The following NFIA variants were observed in gnomAD, a reference collection of about 807,000 sequenced individuals.
NFIA encodes nuclear factor I A.
Under a neutral mutation model 62.8 loss-of-function variants are expected in NFIA, and 8 were observed. The observed-to-expected ratio is 0.13, with a 90% CI of 0.07 to 0.23. The LOEUF (loss-of-function observed/expected upper bound fraction) is 0.23, where lower values mean the gene tolerates loss of function less well. NFIA is among the 10% of genes least tolerant of loss of function. The pLI, the probability that NFIA is intolerant of heterozygous loss-of-function variation, is 1.00. For synonymous variants in NFIA, 235 were observed against 238.1 expected (o/e 0.99, Z 0.12); for missense variants, 410 against 642.1 (o/e 0.64, Z 3.91).
chr1:61,171,661 A>G (rs1338630635), intron 2 of NFIA, among the ~76,000 whole-genome samples: 1 of 152,176 alleles, frequency 6.6e-6, no homozygotes, highest in Non-Finnish European at 1.5e-5. Context: ...AGGACGAATA[A>G]GAGAATCCTC....
At chr1:61,173,456 C>T (rs926260422) in intron 2 of NFIA, among the ~76,000 whole-genome samples, 19 of 152,122 alleles carry the variant, frequency 1.2e-4, no homozygotes, top group African/African-American at 3.9e-4. Flanking sequence ...GGCGTGATCT[C>T]GGCTCACTGC....
chr1:61,208,726 A>G (rs1653052151), intron 2 of NFIA, among the ~76,000 whole-genome samples: 4 of 152,232 alleles, frequency 2.6e-5, no homozygotes, highest in Admixed American at 6.5e-5. Context: ...TGTATTAACA[A>G]GGTTGTCCTG....
chr1:61,348,676 G>T (rs1453402942), intron 4 of NFIA, among the ~76,000 whole-genome samples: 1 of 152,158 alleles, frequency 6.6e-6, no homozygotes, highest in Admixed American at 6.5e-5. Context: ...TAAGGCAAAA[G>T]ACATTTTTCT....
chr1:61,426,381 G>A (rs1486472461), intron 9 of NFIA, 84 bp from the exon 10 acceptor site: 15 of 908,744 alleles, frequency 1.7e-5, no homozygotes, highest in Non-Finnish European at 2.1e-5. Flanking sequence ...CAGCTGCGTC[G>A]GCTCGGAGAC....
chr1:61,420,899 A>T (rs1666585806), intron 9 of NFIA, among the ~76,000 whole-genome samples: 1 of 152,224 alleles, frequency 6.6e-6, no homozygotes, highest in Non-Finnish European at 1.5e-5. Flanking sequence ...GTCATTTTCA[A>T]ACATTTAGAT....
chr1:61,244,003 A>G (rs1440833290), intron 2 of NFIA, among the ~76,000 whole-genome samples: 9 of 152,170 alleles, frequency 5.9e-5, no homozygotes, highest in Admixed American at 3.9e-4. Context: ...ATGTGGTGGT[A>G]TATTTAGCAT....
At chr1:61,405,184 C>T (rs2474381) in intron 8 of NFIA, among the ~76,000 whole-genome samples, 45,854 of 152,074 alleles carry the variant, frequency 0.3, 7,283 homozygotes, top group East Asian at 0.57. Flanking sequence ...TGCATATCTG[C>T]GCCAGAACAG....
intron 6 of NFIA, among the ~76,000 whole-genome samples, chr1:61,377,756 T>TG (rs1336900676): frequency 6.6e-6 from 1 of 152,206 alleles, no homozygotes; most frequent in Non-Finnish European, 1.5e-5. Context: ...CCCAAACTCC[T>TG]GCGACAGACA....
chr1:61,102,301 A>G (rs947418880), intron 2 of NFIA, among the ~76,000 whole-genome samples: 1 of 152,226 alleles, frequency 6.6e-6, no homozygotes, highest in Non-Finnish European at 1.5e-5. Context: ...TTAGCAGTTC[A>G]GTTCCTTCAG....
chr1:61,249,085 G>A (rs1655840982), intron 2 of NFIA: 1 of 152,128 alleles, frequency 6.6e-6, no homozygotes, highest in Non-Finnish European at 1.5e-5. Flanking sequence ...TGAAAGGAAG[G>A]CATCCAACTT....
chr1:61,428,382 A>ATTTT (rs34309622), intron 10 of NFIA, among the ~76,000 whole-genome samples: 1 of 135,940 alleles, frequency 7.4e-6, no homozygotes, highest in African/African-American at 2.7e-5. Context: ...CTGGAACTGA[A>ATTTT]TTTTTTTTTT....
intron 2 of NFIA, among the ~76,000 whole-genome samples, chr1:61,153,422 T>A (rs1288697966): frequency 6.6e-6 from 1 of 152,238 alleles, no homozygotes; most frequent in Non-Finnish European, 1.5e-5. Flanking sequence ...TCTCTAACTT[T>A]CAACCCTTTT....
chr1:61,358,227 A>G (rs1016472906), intron 5 of NFIA, among the ~76,000 whole-genome samples: 17 of 151,784 alleles, frequency 1.1e-4, no homozygotes, highest in African/African-American at 2.7e-4. Context: ...TGTTTTGTTC[A>G]CTGATTTATT....
intron 6 of NFIA, among the ~76,000 whole-genome samples, chr1:61,366,498 T>C (rs1194101806): frequency 6.6e-6 from 1 of 152,202 alleles, no homozygotes; most frequent in Non-Finnish European, 1.5e-5. Flanking sequence ...TGTTGAAAGT[T>C]TCAAAACAGT....
chr1:61,195,768 A>G (rs1017436680), intron 2 of NFIA, among the ~76,000 whole-genome samples: 1 of 152,194 alleles, frequency 6.6e-6, no homozygotes, highest in Non-Finnish European at 1.5e-5. Flanking sequence ...CACAAGAAAT[A>G]TCTCTTTTAA....
chr1:61,309,409 T>C (rs926878511), intron 3 of NFIA, among the ~76,000 whole-genome samples: 3 of 152,108 alleles, frequency 2.0e-5, no homozygotes, highest in African/African-American at 7.2e-5. Context: ...ATAAGTCTTT[T>C]CATGTTTCTG....
chr1:61,104,302 A>G (rs1646559233), intron 2 of NFIA, among the ~76,000 whole-genome samples: 1 of 152,004 alleles, frequency 6.6e-6, no homozygotes, highest in South Asian at 2.1e-4. Context: ...TGTACGTTGT[A>G]TGTCTGTCCT....
At chr1:61,431,857 GA>G in intron 10 of NFIA, among the ~76,000 whole-genome samples, 1 of 152,188 alleles carries the variant, frequency 6.6e-6, no homozygotes, top group Non-Finnish European at 1.5e-5. Flanking sequence ...CTCTACCTGA[GA>G]AACCAAAGCT....
chr1:61,147,207 T>C (rs1047331579), intron 2 of NFIA, among the ~76,000 whole-genome samples: 1 of 151,984 alleles, frequency 6.6e-6, no homozygotes, highest in Non-Finnish European at 1.5e-5. Context: ...CTGGCATCCA[T>C]TGGTGCAATC....
Sources: gnomAD v4.1 joint callset for allele counts (sites outside exome capture counted in the v4.1 genomes callset) on GRCh38, gnomAD v4.1.1 for gene constraint, MANE v1.5 for transcripts, NCBI Gene and HGNC (gene_info 2026-07-23, HGNC 2026-07-21) for gene names.